CDYL: variants seen among roughly 807,000 people sequenced by gnomAD.
CDYL encodes the protein chromodomain Y-like protein.
Under a neutral mutation model 47.3 loss-of-function variants are expected in CDYL, and 8 were observed. That is an observed-to-expected ratio of 0.17 (90% confidence interval 0.10 to 0.31). The LOEUF (loss-of-function observed/expected upper bound fraction) is 0.31. Ranked by LOEUF, CDYL falls within the 10% of genes least tolerant of loss-of-function variation. The pLI is 1.00. For synonymous variants in CDYL, 266 were observed against 265.0 expected, an observed-to-expected ratio of 1.00 and a Z score of -0.04; for missense variants, 471 against 701.4, an observed-to-expected ratio of 0.67 and a Z score of 3.71.
At position 4,955,066 on chromosome 6, in the gene CDYL, C is replaced by T. The variant is rs926923311; in HGVS notation, c.*1010C>T. 1 of 152,512 alleles carries T rather than the reference C, an allele frequency of 6.6e-6. No individual in the cohort carries two copies. Among genetic ancestry groups the T allele is most frequent in the Non-Finnish European group, 1.5e-5 (1 of 68,002 alleles). The allele number at this position is 152,512 out of a possible 1,614,324, so 9.4% of individuals were successfully genotyped here. On this transcript the variant is annotated 3_prime_UTR_variant, in exon 7 of 7. Coordinates refer to ENST00000397588, the MANE Select transcript of CDYL (RefSeq NM_004824.4). ...TTTGGCACACTATTAAATGCAAAAA[C>T]TCCTTTCAAAACAAAAAAGAACTAC...
chr6:4,725,585 T>G (rs1436188725), intron 2 of CDYL, among the ~76,000 whole-genome samples: 4 of 152,186 alleles, frequency 2.6e-5, no homozygotes, highest in Non-Finnish European at 5.9e-5. Context: ...GACCTGCACC[T>G]CCGGGGCTTG....
At chr6:4,834,245 A>G (rs1319064612) in intron 1 of CDYL, among the ~76,000 whole-genome samples, 1 of 152,078 alleles carries the variant, frequency 6.6e-6, no homozygotes, top group Admixed American at 6.5e-5. Flanking sequence ...TGCTTCTTTC[A>G]GGAGCTCTTT....
intron 2 of CDYL, among the ~76,000 whole-genome samples, chr6:4,899,712 G>A (rs998341166): frequency 5.3e-5 from 8 of 152,180 alleles, no homozygotes; most frequent in Admixed American, 2.0e-4. Context: ...CTTCTCAGTT[G>A]CCTTTAGCTA....
intron 3 of CDYL, among the ~76,000 whole-genome samples, chr6:4,746,261 G>T (rs1251265800): frequency 6.6e-6 from 1 of 151,848 alleles, no homozygotes; most frequent in Non-Finnish European, 1.5e-5. Flanking sequence ...CTACTCAGGT[G>T]GCTGAGACAG....
intron 3 of CDYL, among the ~76,000 whole-genome samples, chr6:4,738,133 T>C (rs886710303): frequency 2.6e-5 from 4 of 152,302 alleles, no homozygotes; most frequent in Admixed American, 2.6e-4. Flanking sequence ...CCCAGCACTT[T>C]GGGAGGCCAA....
At chr6:4,735,853 A>G (rs1469372043) in intron 3 of CDYL, among the ~76,000 whole-genome samples, 2 of 152,048 alleles carry the variant, frequency 1.3e-5, no homozygotes, top group Non-Finnish European at 1.5e-5. Flanking sequence ...CATATCCATC[A>G]TCTCCAAAAG....
At chr6:4,771,954 G>A (rs892457743), upstream of CDYL, among the ~76,000 whole-genome samples, 1 of 152,236 alleles carries the variant, frequency 6.6e-6, no homozygotes, top group East Asian at 1.9e-4. Flanking sequence ...TTCCAAAAAT[G>A]GGGTAATGTA....
chr6:4,944,615 A>G (rs919320559), intron 5 of CDYL, among the ~76,000 whole-genome samples: 1 of 152,096 alleles, frequency 6.6e-6, no homozygotes, highest in African/African-American at 2.4e-5. Flanking sequence ...TCATTGATGC[A>G]CCTTTTGGGG....
intron 1 of CDYL, among the ~76,000 whole-genome samples, chr6:4,829,428 TCTC>T (rs1269550606): frequency 6.6e-6 from 1 of 152,178 alleles, no homozygotes; most frequent in Admixed American, 6.5e-5. Flanking sequence ...ACAGAGCACT[TCTC>T]CTAGTTTTTG....
intron 1 of CDYL, among the ~76,000 whole-genome samples, chr6:4,859,453 G>A (rs1314063840): frequency 6.6e-6 from 1 of 152,136 alleles, no homozygotes; most frequent in Non-Finnish European, 1.5e-5. Context: ...TTATGTCCCT[G>A]CCACGGTCCC....
At chr6:4,728,355 C>G (rs1757550531) in intron 2 of CDYL, among the ~76,000 whole-genome samples, 1 of 152,202 alleles carries the variant, frequency 6.6e-6, no homozygotes, top group South Asian at 2.1e-4. Context: ...AAGCCTCTAT[C>G]CCCAGTGTGG....
chr6:4,946,285 C>T lies in CDYL; in HGVS notation c.1332+2529C>T, dbSNP rs552181965. Among the ~76,000 whole-genome samples the T allele has an allele frequency of 1.4e-3, 208 of 152,298 alleles. 1 individual carries two copies. Among genetic ancestry groups the T allele is most frequent in the African/African-American group, 4.6e-3 (190 of 41,582 alleles). On this transcript the variant is annotated intron_variant, in intron 5 of 6. Transcript: ENST00000397588. Reference sequence around the variant, plus strand: ...ACGCTTCCCATTCCTCCACCCACCACACGCCTCTGTCCAGGACACCCACCC... The same window carrying T: ...ACGCTTCCCATTCCTCCACCCACCATACGCCTCTGTCCAGGACACCCACCC...
chr6:4,721,458 T>C (rs1335417526), intron 2 of CDYL, among the ~76,000 whole-genome samples: 1 of 152,000 alleles, frequency 6.6e-6, no homozygotes, highest in African/African-American at 2.4e-5. Context: ...TCTCAGCTCA[T>C]TGCAACCTCC....
chr6:4,825,330 A>G (rs192784392), intron 1 of CDYL, among the ~76,000 whole-genome samples: 17 of 152,320 alleles, frequency 1.1e-4, no homozygotes, highest in Admixed American at 7.8e-4. Flanking sequence ...GATTTTCTAT[A>G]TATAGGATCG....
intron 1 of CDYL, among the ~76,000 whole-genome samples, chr6:4,872,719 A>G (rs958124816): frequency 1.3e-5 from 2 of 152,218 alleles, no homozygotes; most frequent in Admixed American, 6.5e-5. Context: ...AGGCTTGCCT[A>G]TAACACTGTA....
At chr6:4,888,844 G>A (rs1761965505) in intron 1 of CDYL, among the ~76,000 whole-genome samples, 1 of 152,156 alleles carries the variant, frequency 6.6e-6, no homozygotes, top group Non-Finnish European at 1.5e-5. Context: ...TTTGGGGGGA[G>A]GTGGCCCATT....
At position 4,750,484 on chromosome 6, in the gene CDYL, G is replaced by A. The variant is rs371553856; in HGVS notation, c.186+15640G>A. ...CCCAAAGTGCTGGGATTATAGGCGTGAGCCACCATGCCCGGCCAAAAAAAT... is the reference window on the plus strand; with the variant it reads ...CCCAAAGTGCTGGGATTATAGGCGTAAGCCACCATGCCCGGCCAAAAAAAT... On this transcript the variant is annotated intron_variant, in intron 3 of 8. Coordinates refer to the CDYL transcript ENST00000328908. Among the ~76,000 whole-genome samples, 24 of 152,170 alleles carry A rather than the reference G, an allele frequency of 1.6e-4. No homozygotes were observed. The East Asian group carries it at 2.3e-3, about 15-fold the overall frequency.
intron 1 of CDYL, among the ~76,000 whole-genome samples, chr6:4,851,079 G>A (rs1760810477): frequency 6.6e-6 from 1 of 152,120 alleles, no homozygotes; most frequent in South Asian, 2.1e-4. Context: ...TCACTTGGGT[G>A]GGCATAGTTA....
chr6:4,723,509 G>A (rs1263688917), intron 2 of CDYL, among the ~76,000 whole-genome samples: 1 of 152,154 alleles, frequency 6.6e-6, no homozygotes, highest in African/African-American at 2.4e-5. Context: ...AGCATCCTGG[G>A]CTAGCAAGAG....
Sources: gnomAD v4.1 joint callset for allele counts (sites outside exome capture counted in the v4.1 genomes callset) on GRCh38, gnomAD v4.1.1 for gene constraint, MANE v1.5 for transcripts, NCBI Gene and HGNC (gene_info 2026-07-23, HGNC 2026-07-21) for gene names.